Variants in MACROD2 observed in about 807,000 individuals in gnomAD.
MACROD2 encodes mono-ADP ribosylhydrolase 2.
MACROD2 carries 36 observed loss-of-function variants against 70.4 expected under a neutral mutation model. The ratio of observed to expected loss-of-function variants is 0.51; its 90% confidence interval spans 0.39 to 0.68. The LOEUF (loss-of-function observed/expected upper bound fraction) is 0.68, where lower values mean the gene tolerates loss of function less well. Among genes scored for constraint, MACROD2 ranks in the 30% least tolerant of loss-of-function variants. The pLI, the probability that MACROD2 is intolerant of heterozygous loss-of-function variation, is 0.00. For synonymous variants in MACROD2, 172 were observed against 178.8 expected (o/e 0.96, Z 0.30); for missense variants, 496 against 538.4 (o/e 0.92, Z 0.78).
At chr20:14,083,201 G>A (rs1346329372) in intron 2 of MACROD2, among the ~76,000 whole-genome samples, 2 of 151,640 alleles carry the variant, frequency 1.3e-5, no homozygotes. Flanking sequence ...GGAGGCTGAG[G>A]TGGGTGGATC....
chr20:14,277,701 A>G (rs1797472418), intron 3 of MACROD2, among the ~76,000 whole-genome samples: 1 of 152,128 alleles, frequency 6.6e-6, no homozygotes, highest in Admixed American at 6.5e-5. Context: ...TACTCTTAAA[A>G]AAAAAGAGAG....
At chr20:15,101,798 G>T (rs191601852) in intron 5 of MACROD2, among the ~76,000 whole-genome samples, 269 of 151,878 alleles carry the variant, frequency 1.8e-3, no homozygotes, top group African/African-American at 6.1e-3. Flanking sequence ...TTTCTAAAAG[G>T]TCTATCCAAC....
At chr20:14,533,279 C>T (rs1479258184) in intron 4 of MACROD2, among the ~76,000 whole-genome samples, 6 of 152,170 alleles carry the variant, frequency 3.9e-5, no homozygotes, top group Admixed American at 2.6e-4. Context: ...ACCTGCTGCT[C>T]GGCTCATGGG....
At chr20:14,875,830 G>A (rs2073544346) in intron 5 of MACROD2, among the ~76,000 whole-genome samples, 1 of 152,062 alleles carries the variant, frequency 6.6e-6, no homozygotes, top group Non-Finnish European at 1.5e-5. Context: ...TCTTTTTCAT[G>A]GAGGTATAGT....
intron 8 of MACROD2, among the ~76,000 whole-genome samples, chr20:15,539,903 G>A (rs1037267340): frequency 2.0e-5 from 3 of 152,202 alleles, no homozygotes; most frequent in African/African-American, 7.2e-5. Flanking sequence ...CAGGAGAATG[G>A]CGTGAACCCG....
Position 14,067,123 on chromosome 20 carries a change from G to GTTTTTT in MACROD2, c.164-18484_164-18479dup, listed in dbSNP as rs544348706. ...ACTGCACCTGGCCTGATTTTTTAGT[G>GTTTTTT]TTTTTTTTTTTTTTTTTTTGAGACA... is the stretch of plus-strand genomic sequence containing the variant. On this transcript the variant is annotated intron_variant, in intron 2 of 17. Coordinates refer to ENST00000684519, the MANE Select transcript of MACROD2 (RefSeq NM_001351661.2). Among the ~76,000 whole-genome samples the GTTTTTT allele has an allele frequency of 1.1e-3, 95 of 85,036 alleles. 5 individuals are homozygous for GTTTTTT. Among genetic ancestry groups the GTTTTTT allele is most frequent in the South Asian group, 1.8e-3 (4 of 2,272 alleles). 55.8% of individuals were successfully genotyped at this position (85,036 alleles called of 152,430 possible).
intron 3 of MACROD2, among the ~76,000 whole-genome samples, chr20:14,147,471 A>G (rs1302463319): frequency 6.6e-6 from 1 of 152,196 alleles, no homozygotes; most frequent in Non-Finnish European, 1.5e-5. Flanking sequence ...AATGTTAACT[A>G]TCATCATTAT....
intron 2 of MACROD2, among the ~76,000 whole-genome samples, chr20:14,043,223 CT>C (rs2053419230): frequency 6.6e-6 from 1 of 152,156 alleles, no homozygotes; most frequent in Non-Finnish European, 1.5e-5. Context: ...TCTGGCTCCC[CT>C]GGGTTGTTTT....
At chr20:15,942,882 T>C (rs1055763665) in intron 12 of MACROD2, among the ~76,000 whole-genome samples, 1 of 152,136 alleles carries the variant, frequency 6.6e-6, no homozygotes, top group Non-Finnish European at 1.5e-5. Flanking sequence ...CTAATTTAAA[T>C]TTGAAGGTCA....
In MACROD2 at chr20:14,692,340, G is replaced by A. The variant is rs549244495; in HGVS notation, c.418+7381G>A. Among the ~76,000 whole-genome samples the A allele has an allele frequency of 2.0e-5, 3 of 152,254 alleles. No individual in the cohort carries two copies. In the South Asian group the frequency reaches 6.2e-4, roughly 32 times the overall value. ...GTATCCATTTGGGTCACAGATTAGG[G>A]CTTTTTTTGAAGAGAACTCTGACAC... On this transcript the variant is annotated intron_variant, in intron 5 of 17. Transcript: ENST00000684519.
intron 5 of MACROD2, among the ~76,000 whole-genome samples, chr20:15,006,812 C>A (rs948409993): frequency 8.5e-5 from 13 of 152,112 alleles, no homozygotes; most frequent in Non-Finnish European, 1.6e-4. Context: ...GGCTGGCTGC[C>A]TACTCTTTAG....
rs867278237 is a variant in MACROD2, at chr20:14,116,970, G to T, written c.271+31242G>T. Among the ~76,000 whole-genome samples, 6 of 151,612 alleles carry T rather than the reference G, an allele frequency of 4.0e-5. No homozygotes were observed. In the East Asian group the frequency reaches 1.2e-3, roughly 30 times the overall value. ...TAGTCCCAGGTACTTGGGAGGCTGAGGCAGGAGAATCGCTTGAACCCGGGA... is the reference window on the plus strand; with the variant it reads ...TAGTCCCAGGTACTTGGGAGGCTGATGCAGGAGAATCGCTTGAACCCGGGA... On this transcript the variant is annotated intron_variant, in intron 3 of 17. Coordinates refer to ENST00000684519, the MANE Select transcript of MACROD2 (RefSeq NM_001351661.2).
chr20:15,637,094 C>T (rs2049381860), intron 8 of MACROD2, among the ~76,000 whole-genome samples: 1 of 152,100 alleles, frequency 6.6e-6, no homozygotes. Context: ...ATAGGATGCT[C>T]CCCACAAAGA....
At chr20:15,131,437 A>G (rs866109653) in intron 5 of MACROD2, among the ~76,000 whole-genome samples, 8 of 152,170 alleles carry the variant, frequency 5.3e-5, no homozygotes, top group African/African-American at 1.4e-4. Context: ...CAAGTCACTT[A>G]CACCACAAGC....
At chr20:14,667,289 G>A (rs1206833420) in intron 4 of MACROD2, among the ~76,000 whole-genome samples, 1 of 152,022 alleles carries the variant, frequency 6.6e-6, no homozygotes, top group Admixed American at 6.6e-5. Context: ...AAATCTTGAT[G>A]TCTCCTAAAT....
At chr20:15,928,206 T>G (rs1441533485) in intron 10 of MACROD2, among the ~76,000 whole-genome samples, 1 of 152,244 alleles carries the variant, frequency 6.6e-6, no homozygotes, top group Non-Finnish European at 1.5e-5. Flanking sequence ...CATGATTATG[T>G]CTGCAACTTA....
intron 8 of MACROD2, among the ~76,000 whole-genome samples, chr20:15,861,738 T>C (rs2064427184): frequency 6.6e-6 from 1 of 152,064 alleles, no homozygotes; most frequent in South Asian, 2.1e-4. Flanking sequence ...GGGAACTGTC[T>C]TACTAGTGAG....
intron 4 of MACROD2, among the ~76,000 whole-genome samples, chr20:14,647,596 T>C (rs1261664065): frequency 1.3e-5 from 2 of 152,062 alleles, no homozygotes; most frequent in African/African-American, 2.4e-5. Flanking sequence ...TAAGTTCTCA[T>C]TGGATCCCTT....
At chr20:15,792,425 A>G (rs1363421028) in intron 8 of MACROD2, among the ~76,000 whole-genome samples, 1 of 152,152 alleles carries the variant, frequency 6.6e-6, no homozygotes, top group Non-Finnish European at 1.5e-5. Context: ...CAGTCTAAAC[A>G]TGTGACAGGT....
Sources: gnomAD v4.1 joint callset for allele counts (sites outside exome capture counted in the v4.1 genomes callset) on GRCh38, gnomAD v4.1.1 for gene constraint, MANE v1.5 for transcripts, NCBI Gene and HGNC (gene_info 2026-07-23, HGNC 2026-07-21) for gene names.